Variants in FSCN2 observed in about 807,000 individuals in gnomAD.
FSCN2 encodes fascin actin-bundling protein 2, retinal.
In FSCN2, 46 loss-of-function variants were observed where a neutral mutation model predicts 37.8. The observed-to-expected ratio is 1.22, with a 90% CI of 0.96 to 1.56. FSCN2 has a LOEUF of 1.56. Among genes scored for constraint, FSCN2 ranks in the 40% most tolerant of loss-of-function variants. FSCN2 has a pLI of 0.00. For synonymous variants in FSCN2, 351 were observed against 309.4 expected, an observed-to-expected ratio of 1.13 and a Z score of -1.41; for missense variants, 844 against 730.4, an observed-to-expected ratio of 1.16 and a Z score of -1.79.
rs781882828 is a variant in FSCN2 at position 81,531,318 on chromosome 17, A to ATGGTGGTGGTGG, written c.826+1963_826+1964insGTGGTGGTGGTG. On this transcript the variant is annotated intron_variant, in intron 1 of 4. Transcript: ENST00000417245. ...GGTGATGGTGATGGTGGTGGTGGTGATGATGGTGGTGGTGGTGATGGTGGT... is the reference window on the plus strand; with the variant it reads ...GGTGATGGTGATGGTGGTGGTGGTGATGGTGGTGGTGGTGATGGTGGTGGTGGTGATGGTGGT... Among the ~76,000 whole-genome samples the ATGGTGGTGGTGG allele has an allele frequency of 5.0e-4, 20 of 39,946 alleles. 1 individual carries two copies. Among genetic ancestry groups the ATGGTGGTGGTGG allele is most frequent in the East Asian group, 1.8e-3 (2 of 1,116 alleles). The allele number at this position is 39,946 out of a possible 152,430, so 26.2% of individuals were successfully genotyped here. A position where few individuals can be genotyped will look rare whatever the true frequency, so the allele number is the denominator to read the frequency against.
At chr17:81,527,193 C>T (rs1247211126), upstream of FSCN2, 3 of 152,708 alleles carry the variant, frequency 2.0e-5, no homozygotes, top group Admixed American at 1.3e-4. Flanking sequence ...TTTGGCTAGA[C>T]TCCTGCCCTA....
At chr17:81,521,224 C>T in the FSCN2 span, among the ~76,000 whole-genome samples, 11 of 152,122 alleles carry the variant, frequency 7.2e-5, no homozygotes, top group East Asian at 1.9e-4. Context: ...TGTGCCACCA[C>T]GCCTGGCTAA....
chr17:81,518,935 G>C, the FSCN2 span: 4 of 152,304 alleles, frequency 2.6e-5, no homozygotes, highest in African/African-American at 4.8e-5. Flanking sequence ...CGGGGGTCAA[G>C]CCCGGACTCT....
rs370501459 is a variant in FSCN2, at chr17:81,531,801, A to G, written c.826+2444A>G. The stretch of plus-strand genomic sequence containing the variant: ...GATGGTGATGATGGTGATGATGATA[A>G]TGGTGATGATGGTGGTGGTGATGGT... On this transcript the variant is annotated intron_variant, in intron 1 of 4. Coordinates refer to ENST00000417245, the MANE Select transcript of FSCN2 (RefSeq NM_012418.4). Among the ~76,000 whole-genome samples, 9 of 68,358 alleles carry G rather than the reference A, an allele frequency of 1.3e-4. 1 individual carries two copies. The highest frequency in any genetic ancestry group is 9.8e-4 in the South Asian group (1 of 1,016). 44.8% of individuals were successfully genotyped at this position (68,358 alleles called of 152,430 possible).
Position 81,528,428 on chromosome 17 carries a change from G to A in FSCN2, c.-104G>A, listed in dbSNP as rs550145017. ...TTCGTGACGCCGGCTGGGTCTGGGG[G>A]CTGTGGGCCAGCCGAGCCGACCCGG... On this transcript the variant is annotated 5_prime_UTR_variant, in exon 1 of 5. Coordinates refer to ENST00000417245, the MANE Select transcript of FSCN2 (RefSeq NM_012418.4). The A allele has an allele frequency of 2.4e-6, 2 of 823,192 alleles. No homozygotes were observed. The highest frequency in any genetic ancestry group is 1.7e-5 in the African/African-American group (1 of 58,988). The allele number at this position is 823,192 out of a possible 1,614,324, so 51.0% of individuals were successfully genotyped here.
chr17:81,526,345 C>G (rs782236592), upstream of FSCN2, among the ~76,000 whole-genome samples: 7 of 152,232 alleles, frequency 4.6e-5, no homozygotes, highest in African/African-American at 1.7e-4. Flanking sequence ...CAAAATCCAA[C>G]GGGAGGCCGG....
chr17:81,524,390 A>G (rs1397280150), upstream of FSCN2, among the ~76,000 whole-genome samples: 1 of 152,138 alleles, frequency 6.6e-6, no homozygotes, highest in African/African-American at 2.4e-5. Context: ...CACCGGGACA[A>G]GGCACCCCCT....
At chr17:81,531,383 G>GATA (rs1568077296) in intron 1 of FSCN2, among the ~76,000 whole-genome samples, 1 of 147,920 alleles carries the variant, frequency 6.8e-6, no homozygotes. Context: ...TGGTGATGGT[G>GATA]GTGATGGTGA....
the FSCN2 span, among the ~76,000 whole-genome samples, chr17:81,521,207 A>G: frequency 1.1e-3 from 168 of 152,082 alleles, no homozygotes; most frequent in Admixed American, 2.3e-3. Flanking sequence ...AGCTGGGATT[A>G]CAGGCATGTG....
chr17:81,536,490 A>C, intron 3 of FSCN2, 132 bp from the exon 4 acceptor site: 1 of 1,532,502 alleles, frequency 6.5e-7, no homozygotes, highest in Admixed American at 2.0e-5. Context: ...CGCCTTGCCA[A>C]GGCCGCACAT....
At chr17:81,527,215 A>T (rs536925303), upstream of FSCN2, 3 of 152,384 alleles carry the variant, frequency 2.0e-5, no homozygotes, top group African/African-American at 7.2e-5. Context: ...GGGGACCCCC[A>T]TGATGGCCAC....
upstream of FSCN2, among the ~76,000 whole-genome samples, chr17:81,524,375 C>T (rs2032286667): frequency 6.6e-6 from 1 of 152,228 alleles, no homozygotes; most frequent in Non-Finnish European, 1.5e-5. Context: ...CAGCCTCTCA[C>T]TGCCCACCGG....
Position 81,531,702 on chromosome 17 carries a change from A to ATAG in FSCN2, c.826+2346_826+2347insAGT, listed in dbSNP as rs1220502626. Among the ~76,000 whole-genome samples, 420 of 46,328 alleles carry ATAG rather than the reference A, an allele frequency of 9.1e-3. 19 individuals carry two copies. Among genetic ancestry groups the ATAG allele is most frequent in the African/African-American group, 0.043 (372 of 8,722 alleles). The allele number at this position is 46,328 out of a possible 152,430, so 30.4% of individuals were successfully genotyped here. ...GATGATGGTGATGATGGTGATGGTG[A>ATAG]TGATGATAGTGATGGTGGTGATGGT... On this transcript the variant is annotated intron_variant, in intron 1 of 4. Transcript: ENST00000417245.
At chr17:81,531,456 A>ATGGTGATGATGGTGG (rs2032588881) in intron 1 of FSCN2, among the ~76,000 whole-genome samples, 1 of 73,408 alleles carries the variant, frequency 1.4e-5, no homozygotes, top group South Asian at 4.9e-4. Context: ...GGTGGTGGTG[A>ATGGTGATGATGGTGG]TGGTGATGAT....
At position 81,528,676 on chromosome 17, in the gene FSCN2, G is replaced by A. The variant is rs1555670557; in HGVS notation, c.145G>A (p.Glu49Lys). ...CAAGAGGAAGCAGACCTGGGTGCTGGAACCCGACCCAGGACAAGGCACGGC... is the reference window on the plus strand; with the variant it reads ...CAAGAGGAAGCAGACCTGGGTGCTGAAACCCGACCCAGGACAAGGCACGGC... ...SLKRKQTWVL[E>K]PDPGQGTAVL... The change falls in exon 1 of 5, where the codon GAA (glutamate) becomes AAA (lysine). Residue 49 changes from glutamate (E) to lysine (K), a missense_variant. Transcript: ENST00000417245. 3.1e-6 allele frequency: 5 copies of A among 1,601,450 alleles called. No individual in the cohort carries two copies. The African/African-American group carries it at 6.7e-5, about 21-fold the overall frequency.
At chr17:81,531,237 GTGGTGATGATGGTGA>G (rs2032548258) in intron 1 of FSCN2, among the ~76,000 whole-genome samples, 4 of 109,318 alleles carry the variant, frequency 3.7e-5, no homozygotes, top group Admixed American at 1.8e-4. Context: ...AATGGTGATG[GTGGTGATGATGGTGA>G]TGGTGATGAT....
chr17:81,536,472 C>T (rs887894417), intron 3 of FSCN2, 150 bp from the exon 4 acceptor site: 12 of 1,513,440 alleles, frequency 7.9e-6, no homozygotes, highest in African/African-American at 2.8e-5. Flanking sequence ...TGCTGGGAAC[C>T]CCCTAGGCGC....
At position 81,536,257 on chromosome 17, in the gene FSCN2, C is replaced by T. The variant is rs201346660; in HGVS notation, c.1095C>T (p.Ser365=). 3.1e-6 allele frequency: 5 copies of T among 1,598,810 alleles called. No individual in the cohort carries two copies. Among genetic ancestry groups the T allele is most frequent in the East Asian group, 2.3e-5 (1 of 44,152 alleles). ...AGAATGGGCAGCTGGCGGCTATCAG[C>T]GATTTTGTCGGTGAGCACTCTGCCT... ...MKKNGQLAAI[S]DFVGKDEEFT... is the part of the protein sequence containing the mutation. The change falls in exon 3 of 5, where the codon AGC becomes AGT. Residue 365 remains serine, a synonymous_variant. Coordinates refer to ENST00000417245, the MANE Select transcript of FSCN2 (RefSeq NM_012418.4).
intron 1 of FSCN2, among the ~76,000 whole-genome samples, chr17:81,532,287 GTGGTGATGA>G (rs1301994856): frequency 4.0e-4 from 51 of 126,716 alleles, no homozygotes; most frequent in African/African-American, 1.3e-3. Context: ...GATGGTGATG[GTGGTGATGA>G]TGATGATAGT....
Sources: gnomAD v4.1 joint callset for allele counts (sites outside exome capture counted in the v4.1 genomes callset) on GRCh38, gnomAD v4.1.1 for gene constraint, MANE v1.5 for transcripts, NCBI Gene and HGNC (gene_info 2026-07-23, HGNC 2026-07-21) for gene names.